Variants in ZFHX4 observed in about 807,000 individuals in gnomAD.
The protein encoded by ZFHX4 is zinc finger homeobox protein 4.
A neutral mutation model predicts 267.6 loss-of-function variants in ZFHX4; 56 were observed. That is an observed-to-expected ratio of 0.21 (90% CI 0.17 to 0.26). The LOEUF (loss-of-function observed/expected upper bound fraction) is 0.26. ZFHX4 is among the 10% of genes least tolerant of loss of function. The pLI, the probability that ZFHX4 is intolerant of heterozygous loss-of-function variation, is 1.00. For missense variants in ZFHX4, 4,332 were observed against 4,420.0 expected, an observed-to-expected ratio of 0.98 and a Z score of 0.56; for synonymous variants, 1,778 against 1,665.6, an observed-to-expected ratio of 1.07 and a Z score of -1.64.
rs777300407 is a variant in ZFHX4 at position 76,706,581 on chromosome 8, G to T, written c.2493G>T (p.Leu831=). Residue 831 remains leucine, a synonymous_variant, in exon 2 of 11, where the codon CTG becomes CTT. Coordinates refer to ENST00000651372, the MANE Select transcript of ZFHX4 (RefSeq NM_024721.5). ...YQYYLAQNIG[L]TGMKLENPAD... The stretch of plus-strand genomic sequence containing the variant: ...ACTACCTAGCCCAGAACATAGGCCT[G>T]ACCGGAATGAAGCTGGAAAACCCTG... 4 of 1,610,984 alleles carry T rather than the reference G, an allele frequency of 2.5e-6. No homozygotes were observed. The Admixed American group carries it at 6.7e-5, about 27-fold the overall frequency.
At chr8:76,811,937 A>G (rs1300862911) in intron 4 of ZFHX4, among the ~76,000 whole-genome samples, 1 of 152,208 alleles carries the variant, frequency 6.6e-6, no homozygotes, top group African/African-American at 2.4e-5. Flanking sequence ...AAAAAATAAA[A>G]AAGTTATAGA....
At chr8:76,837,134 G>A (rs956076868) in intron 5 of ZFHX4, among the ~76,000 whole-genome samples, 6 of 152,204 alleles carry the variant, frequency 3.9e-5, no homozygotes, top group South Asian at 2.1e-4. Context: ...GGATGAGATC[G>A]TCTAGGGAGG....
At chr8:76,772,438 A>G (rs941826695) in intron 3 of ZFHX4, among the ~76,000 whole-genome samples, 2 of 152,190 alleles carry the variant, frequency 1.3e-5, no homozygotes, top group African/African-American at 2.4e-5. Flanking sequence ...TGGTGGACAC[A>G]AACATAATTA....
At chr8:76,814,386 A>T (rs1290607467) in intron 4 of ZFHX4, among the ~76,000 whole-genome samples, 4 of 152,304 alleles carry the variant, frequency 2.6e-5, no homozygotes, top group South Asian at 2.1e-4. Context: ...TCTTAGAGTT[A>T]TGTAACATCC....
chr8:76,681,782 G>C (rs1183568846), intron 1 of ZFHX4, among the ~76,000 whole-genome samples, 162 bp downstream of exon 1: 1 of 151,688 alleles, frequency 6.6e-6, no homozygotes, highest in Non-Finnish European at 1.5e-5. Flanking sequence ...GCTCCTGCTC[G>C]CTGTCGCACA....
chr8:76,855,842 A>G lies in ZFHX4; in HGVS notation c.8921A>G (p.Gln2974Arg). 1 of 1,613,942 alleles carries G rather than the reference A, an allele frequency of 6.2e-7. No homozygotes were observed. Among genetic ancestry groups the G allele is most frequent in the Non-Finnish European group, 8.5e-7 (1 of 1,179,864 alleles). ...NEIGLPKRVV[Q>R]VWFQNARAKE... is the part of the protein sequence containing the mutation. ...ATTGGTCTGCCCAAACGCGTAGTCC[A>G]GGTGTGGTTCCAAAATGCAAGGGCA... The change falls in exon 10 of 11, where the codon CAG (glutamine) becomes CGG (arginine). Residue 2974 changes from glutamine (Q) to arginine (R), a missense_variant. Coordinates refer to ENST00000651372, the MANE Select transcript of ZFHX4 (RefSeq NM_024721.5).
At chr8:76,739,477 C>T (rs1269008977) in intron 3 of ZFHX4, among the ~76,000 whole-genome samples, 5 of 151,924 alleles carry the variant, frequency 3.3e-5, no homozygotes, top group Middle Eastern at 3.2e-3. Flanking sequence ...TGAGTTCACT[C>T]TTAAGAAAAT....
intron 4 of ZFHX4, among the ~76,000 whole-genome samples, 177 bp from the exon 5 acceptor site, chr8:76,833,161 T>G (rs1217429132): frequency 6.6e-6 from 1 of 152,162 alleles, no homozygotes; most frequent in Non-Finnish European, 1.5e-5. Context: ...TATCACTCCC[T>G]GGGCTCATTT....
chr8:76,712,384 A>T (rs1282327171), intron 3 of ZFHX4, among the ~76,000 whole-genome samples: 1 of 152,084 alleles, frequency 6.6e-6, no homozygotes, highest in Non-Finnish European at 1.5e-5. Flanking sequence ...AGGTTCATCT[A>T]CCTTTTTGTG....
At chr8:76,749,107 C>T (rs1311993917) in intron 3 of ZFHX4, among the ~76,000 whole-genome samples, 1 of 152,094 alleles carries the variant, frequency 6.6e-6, no homozygotes, top group African/African-American at 2.4e-5. Flanking sequence ...TCCAGCAATC[C>T]AAGCTTTCTT....
intron 3 of ZFHX4, among the ~76,000 whole-genome samples, chr8:76,713,346 C>T (rs1162370242): frequency 1.3e-5 from 2 of 151,850 alleles, no homozygotes; most frequent in Non-Finnish European, 2.9e-5. Flanking sequence ...ATATCAATCC[C>T]TAGGAAGATT....
intron 4 of ZFHX4, among the ~76,000 whole-genome samples, chr8:76,830,956 T>A (rs1425274093): frequency 6.6e-6 from 1 of 152,194 alleles, no homozygotes; most frequent in Non-Finnish European, 1.5e-5. Context: ...GTATTACAAC[T>A]AGATACATTG....
chr8:76,743,598 G>A (rs1184689418), intron 3 of ZFHX4, among the ~76,000 whole-genome samples: 2 of 152,192 alleles, frequency 1.3e-5, no homozygotes, highest in East Asian at 1.9e-4. Context: ...AGGAGCTTAA[G>A]TCACAGCCTA....
In ZFHX4 at chr8:76,853,568, A is replaced by C. The variant is rs1248559499; in HGVS notation, c.6647A>C (p.Glu2216Ala). 6.2e-7 allele frequency: 1 copy of C among 1,613,902 alleles called. No individual in the cohort carries two copies. The highest frequency in any genetic ancestry group is 8.5e-7 in the Non-Finnish European group (1 of 1,179,860). Residue 2216 changes from glutamate (E) to alanine (A), a missense_variant, in exon 10 of 11, where the codon GAA becomes GCA. Coordinates refer to ENST00000651372, the MANE Select transcript of ZFHX4 (RefSeq NM_024721.5). ...ATTGATCCACAGCCCACCTCTTTAG[A>C]ACATTACAAATCTGATGCATCATTC... The part of the protein sequence containing the change: ...IRIDPQPTSL[E>A]HYKSDASFSK...
chr8:76,707,718 T>C lies in ZFHX4; in HGVS notation c.2763T>C (p.Ser921=). 1 of 1,613,830 alleles carries C rather than the reference T, an allele frequency of 6.2e-7. No homozygotes were observed. The highest frequency in any genetic ancestry group is 1.1e-5 in the South Asian group (1 of 91,058). The change falls in exon 3 of 11, where the codon AGT becomes AGC. Residue 921 remains serine, a synonymous_variant. Coordinates refer to ENST00000651372, the MANE Select transcript of ZFHX4 (RefSeq NM_024721.5). The part of the protein sequence containing the change: ...KFTSDSLEAL[S]VHVSSERSLP... ...CCTCTGACAGCCTGGAGGCCCTAAGTGTGCATGTGAGCAGTGAGCGCTCTC... is the reference window on the plus strand; with the variant it reads ...CCTCTGACAGCCTGGAGGCCCTAAGCGTGCATGTGAGCAGTGAGCGCTCTC...
At chr8:76,839,054 A>AGG (rs1812166881) in intron 5 of ZFHX4, among the ~76,000 whole-genome samples, 2 of 2,466 alleles carry the variant, frequency 8.1e-4, no homozygotes, top group African/African-American at 9.2e-3. Flanking sequence ...TCTGTCTGAA[A>AGG]GAGAGAGAGA....
intron 4 of ZFHX4, among the ~76,000 whole-genome samples, chr8:76,800,074 G>T (rs1244519868): frequency 6.6e-6 from 1 of 152,102 alleles, no homozygotes. Flanking sequence ...GTGAGTGTGT[G>T]TGTGTGTTGT....
chr8:76,808,146 G>A (rs1811290231), intron 4 of ZFHX4, among the ~76,000 whole-genome samples: 1 of 151,906 alleles, frequency 6.6e-6, no homozygotes, highest in Non-Finnish European at 1.5e-5. Context: ...AATATAACCA[G>A]TATATTCAAG....
At chr8:76,691,545 T>A (rs1390005955) in intron 1 of ZFHX4, among the ~76,000 whole-genome samples, 1 of 152,136 alleles carries the variant, frequency 6.6e-6, no homozygotes, top group Non-Finnish European at 1.5e-5. Flanking sequence ...TCTTTTTAAA[T>A]GATATTATTT....
Sources: gnomAD v4.1 joint callset for allele counts (sites outside exome capture counted in the v4.1 genomes callset) on GRCh38, gnomAD v4.1.1 for gene constraint, MANE v1.5 for transcripts, NCBI Gene and HGNC (gene_info 2026-07-23, HGNC 2026-07-21) for gene names.